ENG: variants seen among roughly 807,000 people sequenced by gnomAD.
ENG encodes endoglin.
Under a neutral mutation model 71.0 loss-of-function variants are expected in ENG, and 17 were observed. The observed-to-expected ratio is 0.24, with a 90% CI of 0.16 to 0.36. The LOEUF is 0.36. ENG is among the 10% of genes least tolerant of loss of function. The pLI is 1.00. For missense variants in ENG, 749 were observed against 868.3 expected (o/e 0.86, Z 1.73); for synonymous variants, 360 against 366.9 (o/e 0.98, Z 0.21).
At chr9:127,826,856 T>G (rs1830630789) in intron 3 of ENG, among the ~76,000 whole-genome samples, 184 bp from the exon 4 acceptor site, 1 of 152,072 alleles carries the variant, frequency 6.6e-6, no homozygotes, top group Non-Finnish European at 1.5e-5. Context: ...GATCAGCCCC[T>G]TCTCCCTTGC....
chr9:127,847,875 C>A (rs1219149101), intron 1 of ENG, among the ~76,000 whole-genome samples: 1 of 152,202 alleles, frequency 6.6e-6, no homozygotes, highest in Non-Finnish European at 1.5e-5. Context: ...TCTCAGCATG[C>A]CTTGGCCCCG....
chr9:127,820,761 G>A (rs1285061550), intron 8 of ENG, among the ~76,000 whole-genome samples: 2 of 151,520 alleles, frequency 1.3e-5, no homozygotes, highest in East Asian at 2.0e-4. Flanking sequence ...CCCGGGAGGC[G>A]GAGTTTGCAG....
chr9:127,825,603 G>T (rs951017535), intron 5 of ENG, 92 bp downstream of exon 5: 1 of 1,211,102 alleles, frequency 8.3e-7, no homozygotes, highest in Non-Finnish European at 1.1e-6. Flanking sequence ...CTGGGGTGGG[G>T]CTTTATAAGG....
chr9:127,852,716 C>T (rs774550160), intron 1 of ENG, among the ~76,000 whole-genome samples: 5 of 152,116 alleles, frequency 3.3e-5, no homozygotes, highest in Admixed American at 6.5e-5. Flanking sequence ...CAGGTGCTAC[C>T]GGGCACTGAT....
rs770307886 is a variant in ENG, at chr9:127,829,748, C to T, written c.299G>A (p.Ser100Asn). The change falls in exon 3 of 15, where the codon AGT becomes AAT. Residue 100 changes from serine to asparagine, a missense_variant. Coordinates refer to ENST00000373203, the MANE Select transcript of ENG (RefSeq NM_001114753.3). ...ATGCAGGAAGACACTGCTGTTTACA[C>T]TGAGGACCAGAAGCACCTCTCGGGG... Reference protein sequence around the residue: ...TWPREVLLVLSVNSSVFLHLQ... With the variant: ...TWPREVLLVLNVNSSVFLHLQ... 2 of 1,614,058 alleles carry T rather than the reference C, an allele frequency of 1.2e-6. No individual in the cohort carries two copies. The highest frequency in any genetic ancestry group is 1.7e-6 in the Non-Finnish European group (2 of 1,180,028).
intron 2 of ENG, among the ~76,000 whole-genome samples, chr9:127,834,173 A>G (rs111472164): frequency 0.026 from 3,985 of 152,302 alleles, 70 homozygotes; most frequent in Middle Eastern, 0.078. Flanking sequence ...CCTGGGTTCA[A>G]GCAATTGTCC....
In ENG at chr9:127,818,146, G is replaced by A. The variant is rs1162510965; in HGVS notation, c.1660C>T (p.Arg554Cys). The A allele has an allele frequency of 9.3e-6, 15 of 1,614,104 alleles. No homozygotes were observed. The Middle Eastern group carries it at 4.9e-4, about 53-fold the overall frequency. Residue 554 changes from arginine to cysteine, a missense_variant, in exon 12 of 15, where the codon CGT becomes TGT. By Grantham distance (180) the Arg-to-Cys change is radical. Coordinates refer to ENST00000373203, the MANE Select transcript of ENG (RefSeq NM_001114753.3). ...TGTLSCTVAL[R>C]PKTGSQDQEV... ...TGGTCTTGAGACCCGGTCTTGGGAC[G>A]CAGGGCTACCGTGCAGCTGAGGGTG...
chr9:127,824,099 C>T (rs1164559068), intron 8 of ENG, among the ~76,000 whole-genome samples: 3 of 152,168 alleles, frequency 2.0e-5, no homozygotes, highest in Non-Finnish European at 4.4e-5. Context: ...TCTTACTGTG[C>T]CACGTGATTG....
intron 12 of ENG, 24 bp downstream of exon 12, chr9:127,818,096 G>A: frequency 6.2e-7 from 1 of 1,613,914 alleles, no homozygotes; most frequent in African/African-American, 1.3e-5. Flanking sequence ...ACTTGAAGCT[G>A]GGGCCGGCCC....
chr9:127,825,505 C>A, intron 5 of ENG, 148 bp from the exon 6 acceptor site: 2 of 1,368,262 alleles, frequency 1.5e-6, no homozygotes, highest in Non-Finnish European at 2.0e-6. Context: ...GGCTTGTGCC[C>A]AAAGGGAAGG....
chr9:127,844,147 C>CG (rs1831116679), intron 1 of ENG, among the ~76,000 whole-genome samples: 1 of 138,958 alleles, frequency 7.2e-6, no homozygotes, highest in Non-Finnish European at 1.6e-5. Flanking sequence ...TTTTTTGAGA[C>CG]GGAGTTTTGC....
At chr9:127,830,881 G>C (rs1486636316) in intron 2 of ENG, among the ~76,000 whole-genome samples, 5 of 151,884 alleles carry the variant, frequency 3.3e-5, no homozygotes. Flanking sequence ...ATTCCTGCTT[G>C]TCTTACCGTT....
chr9:127,847,206 GGAAACTGAAGACCAGGGCGGTTAAA>G (rs1374432941), intron 1 of ENG: 1 of 152,464 alleles, frequency 6.6e-6, no homozygotes, highest in Admixed American at 6.6e-5. Flanking sequence ...GCACACTCCA[GGAAACTGAAGACCAGGGCGGTTAAA>G]GAAACTGAAG....
At chr9:127,852,947 C>T (rs1047437215) in intron 1 of ENG, among the ~76,000 whole-genome samples, 3 of 152,160 alleles carry the variant, frequency 2.0e-5, no homozygotes, top group African/African-American at 4.8e-5. Context: ...GCGACAAATA[C>T]GAGAGAGGGA....
chr9:127,818,610 T>A, intron 11 of ENG, 106 bp downstream of exon 11: 1 of 1,427,892 alleles, frequency 7.0e-7, no homozygotes, highest in Non-Finnish European at 9.9e-7. Flanking sequence ...GCTGTCTCCC[T>A]CCTGACTCTG....
Position 127,818,373 on chromosome 9 carries a change from C to A in ENG, c.1433G>T (p.Arg478Ile), listed in dbSNP as rs758248666. ...EPGQQSFVQV[R>I]VSPSVSEFLL... The stretch of plus-strand genomic sequence containing the variant: ...GAACTCGGAGACGGATGGGGACACT[C>A]TGACCTGCATGGGTAGGTAGGGCCA... Residue 478 changes from arginine (R) to isoleucine (I), a missense_variant, in exon 12 of 15, where the codon AGA becomes ATA. Physicochemically the swap from Arg to Ile is moderately conservative, Grantham distance 97 (BLOSUM62 -3). Coordinates refer to ENST00000373203, the MANE Select transcript of ENG (RefSeq NM_001114753.3). 5 of 1,613,396 alleles carry A rather than the reference C, an allele frequency of 3.1e-6. No homozygotes were observed. In the East Asian group the frequency reaches 6.7e-5, roughly 22 times the overall value.
chr9:127,826,732 T>G, intron 3 of ENG, 60 bp from the exon 4 acceptor site: 1 of 1,599,100 alleles, frequency 6.3e-7, no homozygotes, highest in Non-Finnish European at 8.5e-7. Flanking sequence ...CTCTATCCCA[T>G]GTAGGAGGTC....
intron 12 of ENG, chr9:127,817,442 C>A: frequency 1.7e-6 from 1 of 595,406 alleles, no homozygotes; most frequent in Admixed American, 2.5e-5. Context: ...CCTTGATGCC[C>A]AGGAGCACTG....
chr9:127,837,810 C>CCATCCATCCACATCCATCCATT (rs771035388), intron 2 of ENG, among the ~76,000 whole-genome samples: 5,569 of 151,044 alleles, frequency 0.037, 334 homozygotes, highest in African/African-American at 0.12. Context: ...ATCCATCCAT[C>CCATCCATCCACATCCATCCATT]CATCCAACAG....
Sources: gnomAD v4.1 joint callset for allele counts (sites outside exome capture counted in the v4.1 genomes callset) on GRCh38, gnomAD v4.1.1 for gene constraint, MANE v1.5 for transcripts, NCBI Gene and HGNC (gene_info 2026-07-23, HGNC 2026-07-21) for gene names.